ZNF608: variants seen among roughly 807,000 people sequenced by gnomAD.
The protein encoded by ZNF608 is zinc finger protein 608.
A neutral mutation model predicts 109.0 loss-of-function variants in ZNF608; 12 were observed. The ratio of observed to expected loss-of-function variants is 0.11; its 90% CI spans 0.07 to 0.18. The LOEUF is 0.18. ZNF608 is among the 10% of genes least tolerant of loss of function. ZNF608 has a pLI of 1.00. For synonymous variants in ZNF608, 732 were observed against 717.4 expected, an observed-to-expected ratio of 1.02 and a Z score of -0.33; for missense variants, 1,707 against 1,879.3, an observed-to-expected ratio of 0.91 and a Z score of 1.70.
At chr5:124,731,446 C>T (rs1017986535) in intron 2 of ZNF608, among the ~76,000 whole-genome samples, 1 of 151,882 alleles carries the variant, frequency 6.6e-6, no homozygotes. Context: ...CTCCTGACCT[C>T]GTGATCCGCC....
intron 2 of ZNF608, among the ~76,000 whole-genome samples, chr5:124,731,748 C>T (rs1748915543): frequency 1.3e-5 from 2 of 152,028 alleles, no homozygotes; most frequent in South Asian, 4.2e-4. Flanking sequence ...ATCGCTTGGA[C>T]CCGGGAGGCG....
At chr5:124,693,892 A>C (rs1752715874) in intron 3 of ZNF608, among the ~76,000 whole-genome samples, 1 of 144,536 alleles carries the variant, frequency 6.9e-6, no homozygotes, top group Non-Finnish European at 1.5e-5. Context: ...TTGACTGTCT[A>C]TTGTACGCCT....
intron 2 of ZNF608, among the ~76,000 whole-genome samples, chr5:124,718,120 G>A (rs1486971662): frequency 6.6e-6 from 1 of 152,076 alleles, no homozygotes; most frequent in Non-Finnish European, 1.5e-5. Flanking sequence ...CTTTCAAAGT[G>A]GCATGGCACC....
At position 124,647,167 on chromosome 5, in the gene ZNF608, C is replaced by A. The variant is rs746685214; in HGVS notation, c.3217G>T (p.Ala1073Ser). ...HQSVITQRHP[A>S]LAQSLYYGQY... ...CCATAATAAAGTGACTGAGCCAGGG[C>A]AGGATGTCTTTGTGTGATCACCGAC... Residue 1073 changes from alanine (A) to serine (S), a missense_variant, in exon 5 of 10, where the codon GCC (alanine) becomes TCC (serine). Around this residue, in one of 7 missense-constraint regions of ZNF608, gnomAD observed 1,073 missense variants for 1,133.5 expected, o/e 0.95. Coordinates refer to ENST00000513986, the MANE Select transcript of ZNF608 (RefSeq NM_020747.3). The A allele has an allele frequency of 1.9e-6, 3 of 1,614,180 alleles. No homozygotes were observed. The Admixed American group carries it at 5.0e-5, about 27-fold the overall frequency.
chr5:124,697,561 T>G (rs887116585), intron 3 of ZNF608, among the ~76,000 whole-genome samples: 3 of 152,172 alleles, frequency 2.0e-5, no homozygotes, highest in Admixed American at 1.3e-4. Context: ...CCAAATGCAG[T>G]AATAGTTTTT....
Position 124,744,194 on chromosome 5 carries a change from C to T in ZNF608, c.796G>A (p.Val266Ile). The T allele has an allele frequency of 6.2e-7, 1 of 1,613,800 alleles. No individual in the cohort carries two copies. The highest frequency in any genetic ancestry group is 2.2e-5 in the East Asian group (1 of 44,866). The change falls in exon 2 of 10, where the codon GTT becomes ATT. Residue 266 changes from valine to isoleucine, a missense_variant. By Grantham distance (29) the Val-to-Ile change is conservative (BLOSUM62 3). Coordinates refer to ENST00000513986, the MANE Select transcript of ZNF608 (RefSeq NM_020747.3). The surrounding 1 kb of genome is among the most constrained non-coding windows in gnomAD (Gnocchi z 4.5). ...CCTGAATCCGGGGCACTTTTGCTAACTTCCCCTGCAGCGGCGACGCTGCCA... is the reference window on the plus strand; with the variant it reads ...CCTGAATCCGGGGCACTTTTGCTAATTTCCCCTGCAGCGGCGACGCTGCCA... The part of the protein sequence containing the change: ...GSGSVAAAGE[V>I]SKSAPDSGLM...
chr5:124,639,816 T>C (rs745648079), intron 8 of ZNF608, among the ~76,000 whole-genome samples: 1 of 152,146 alleles, frequency 6.6e-6, no homozygotes, highest in Non-Finnish European at 1.5e-5. Context: ...TGGGGAAAAA[T>C]AGAGTAAACA....
chr5:124,641,308 T>C lies in ZNF608; in HGVS notation c.4394A>G (p.His1465Arg), dbSNP rs1363219261. ...FGQRHLHTHHHTHVGMGYPLI... is the reference protein window; with the variant it reads ...FGQRHLHTHHRTHVGMGYPLI... ...CGGGTAACCCATGCCAACGTGGGTGTGGTGGTGCGTGTGCAGGTGCCGCTG... is the reference window on the plus strand; with the variant it reads ...CGGGTAACCCATGCCAACGTGGGTGCGGTGGTGCGTGTGCAGGTGCCGCTG... Residue 1465 changes from histidine to arginine, a missense_variant, in exon 8 of 10, where the codon CAC becomes CGC. His to Arg is a conservative substitution (Grantham distance 29). Transcript: ENST00000513986. The C allele has an allele frequency of 6.2e-7, 1 of 1,613,816 alleles. No individual in the cohort carries two copies. The highest frequency in any genetic ancestry group is 1.3e-5 in the African/African-American group (1 of 74,906).
chr5:124,746,268 C>G lies in ZNF608; in HGVS notation c.-257G>C. 1 of 985,364 alleles carries G rather than the reference C, an allele frequency of 1.0e-6. No individual in the cohort carries two copies. The highest frequency in any genetic ancestry group is 1.2e-6 in the Non-Finnish European group (1 of 829,916). The allele number at this position is 985,364 out of a possible 1,614,324, so 61.0% of individuals were successfully genotyped here. On this transcript the variant is annotated 5_prime_UTR_variant, in exon 1 of 10. Coordinates refer to ENST00000513986, the MANE Select transcript of ZNF608 (RefSeq NM_020747.3). Reference sequence around the variant, plus strand: ...TTTCCCACTCCACTCGGCAAACAAGCCTGTGCCTCATTTTACTTAAACACC... The same window carrying G: ...TTTCCCACTCCACTCGGCAAACAAGGCTGTGCCTCATTTTACTTAAACACC...
intron 7 of ZNF608, among the ~76,000 whole-genome samples, chr5:124,643,048 G>A (rs1165658067): frequency 6.6e-6 from 1 of 152,100 alleles, no homozygotes; most frequent in Non-Finnish European, 1.5e-5. Flanking sequence ...CATGTAAAAT[G>A]TCTGATTTTT....
intron 2 of ZNF608, among the ~76,000 whole-genome samples, chr5:124,730,391 C>A (rs114666085): frequency 0.013 from 2,031 of 152,294 alleles, 46 homozygotes; most frequent in African/African-American, 0.046. Flanking sequence ...GTGTTGTCAT[C>A]CAATCACCAG....
intron 9 of ZNF608, chr5:124,638,874 C>T (rs1245575046): frequency 1.9e-6 from 2 of 1,043,918 alleles, no homozygotes; most frequent in Non-Finnish European, 2.5e-6. Flanking sequence ...TTTAGAAATG[C>T]CGTAAGGATA....
chr5:124,658,779 C>A (rs1319241342), intron 3 of ZNF608, among the ~76,000 whole-genome samples: 1 of 152,172 alleles, frequency 6.6e-6, no homozygotes, highest in Non-Finnish European at 1.5e-5. Flanking sequence ...CCTCCCCAAT[C>A]CAGTCTCACA....
intron 2 of ZNF608, among the ~76,000 whole-genome samples, chr5:124,726,739 T>C (rs146286137): frequency 1.1e-4 from 16 of 149,476 alleles, no homozygotes; most frequent in African/African-American, 3.7e-4. Context: ...CAAGCTAAAA[T>C]CCAAATTCCT....
At chr5:124,712,121 C>T (rs936366809) in intron 2 of ZNF608, among the ~76,000 whole-genome samples, 2 of 151,858 alleles carry the variant, frequency 1.3e-5, no homozygotes, top group African/African-American at 4.8e-5. Context: ...CACTCCAGCC[C>T]GGGCAACAAA....
Position 124,648,183 on chromosome 5 carries a change from C to G in ZNF608, c.2201G>C (p.Ser734Thr). The change falls in exon 5 of 10, where the codon AGT becomes ACT. Residue 734 changes from serine to threonine, a missense_variant. This residue lies in a region of ZNF608 where 1,073 missense variants were observed against 1,133.5 expected (regional missense o/e 0.95). Transcript: ENST00000513986. ...KTDKNLSKLKSARPIAPAPAP... is the reference protein window; with the variant it reads ...KTDKNLSKLKTARPIAPAPAP... The stretch of plus-strand genomic sequence containing the variant: ...TGGGGCAGGGGCAATGGGCCGGGCA[C>G]TTTTCAGTTTAGAGAGGTTTTTGTC... 6.2e-7 allele frequency: 1 copy of G among 1,613,580 alleles called. No individual in the cohort carries two copies. The highest frequency in any genetic ancestry group is 8.5e-7 in the Non-Finnish European group (1 of 1,179,896).
At chr5:124,721,632 G>A (rs1019439144) in intron 2 of ZNF608, among the ~76,000 whole-genome samples, 2 of 151,904 alleles carry the variant, frequency 1.3e-5, no homozygotes, top group African/African-American at 4.8e-5. Flanking sequence ...TTGCCCAAGG[G>A]TCATAAAAGA....
chr5:124,700,344 T>C (rs1057033366), intron 3 of ZNF608, among the ~76,000 whole-genome samples: 27 of 152,282 alleles, frequency 1.8e-4, no homozygotes, highest in Non-Finnish European at 3.8e-4. Context: ...TATGCTCTGA[T>C]TTATATTCCA....
chr5:124,648,991 C>T lies in ZNF608; in HGVS notation c.1393G>A (p.Ala465Thr), dbSNP rs565938874. ...RGLQNKNRGG[A>T]NGKGRRGSLN... ...CTGCCCCGCCTCCCTTTCCCATTGG[C>T]CCCCCCTCTGTTCTTATTCTGCAGC... Residue 465 changes from alanine to threonine, a missense_variant, in exon 5 of 10, where the codon GCC becomes ACC. Ala to Thr is a moderately conservative substitution (Grantham distance 58, BLOSUM62 0). Transcript: ENST00000513986. The T allele has an allele frequency of 1.9e-6, 3 of 1,613,934 alleles. No homozygotes were observed. Among genetic ancestry groups the T allele is most frequent in the African/African-American group, 1.3e-5 (1 of 74,884 alleles).
Sources: allele counts gnomAD v4.1 joint callset (sites outside exome capture counted in the v4.1 genomes callset), GRCh38; gene constraint gnomAD v4.1.1; regional missense constraint gnomAD v4.1.1; non-coding constraint Gnocchi (gnomAD v3.1); transcripts MANE v1.5; gene names NCBI Gene and HGNC (gene_info 2026-07-23, HGNC 2026-07-21).